Variants in NTRK3 observed in about 807,000 individuals in gnomAD.
NTRK3 encodes NT-3 growth factor receptor.
A neutral mutation model predicts 91.7 loss-of-function variants in NTRK3; 24 were observed. The ratio of observed to expected loss-of-function variants is 0.26; its 90% confidence interval spans 0.19 to 0.37. NTRK3 has a LOEUF of 0.37. Ranked by LOEUF, NTRK3 falls within the 10% of genes least tolerant of loss-of-function variation. The pLI, the probability that NTRK3 is intolerant of heterozygous loss-of-function variation, is 1.00. For synonymous variants in NTRK3, 483 were observed against 404.0 expected (o/e 1.20, Z -2.34); for missense variants, 880 against 1,068.9 (o/e 0.82, Z 2.46).
chr15:88,017,694 G>A (rs2077334348), intron 14 of NTRK3, among the ~76,000 whole-genome samples: 2 of 152,226 alleles, frequency 1.3e-5, no homozygotes, highest in East Asian at 1.9e-4. Flanking sequence ...AGGGGGAGAG[G>A]GGTCACCCAG....
intron 3 of NTRK3, among the ~76,000 whole-genome samples, chr15:88,225,559 A>T (rs1307603727): frequency 6.6e-6 from 1 of 152,136 alleles, no homozygotes; most frequent in Non-Finnish European, 1.5e-5. Flanking sequence ...GAGAGACAAG[A>T]TGGGGGACAG....
At chr15:88,114,620 C>T (rs1460312985) in intron 13 of NTRK3, among the ~76,000 whole-genome samples, 1 of 152,180 alleles carries the variant, frequency 6.6e-6, no homozygotes, top group Non-Finnish European at 1.5e-5. Context: ...AATAATGTGG[C>T]ACAGAACAAT....
chr15:87,898,634 T>C (rs2066270906), intron 17 of NTRK3, among the ~76,000 whole-genome samples: 1 of 152,054 alleles, frequency 6.6e-6, no homozygotes, highest in African/African-American at 2.4e-5. Flanking sequence ...ACATTAATAA[T>C]ATCTCTTATT....
At chr15:88,230,592 C>A (rs1207613682) in intron 3 of NTRK3, among the ~76,000 whole-genome samples, 2 of 152,144 alleles carry the variant, frequency 1.3e-5, no homozygotes, top group Non-Finnish European at 2.9e-5. Flanking sequence ...TAATTTTTCT[C>A]ATTATTATTA....
intron 13 of NTRK3, among the ~76,000 whole-genome samples, chr15:88,051,529 C>G (rs1001790092): frequency 6.6e-6 from 1 of 152,204 alleles, no homozygotes; most frequent in African/African-American, 2.4e-5. Context: ...CAGTCAAAAG[C>G]ATCATTTCTG....
intron 3 of NTRK3, among the ~76,000 whole-genome samples, chr15:88,192,080 T>C (rs1207780316): frequency 6.6e-6 from 1 of 152,226 alleles, no homozygotes. Flanking sequence ...ATTCAGATCA[T>C]GCAGCAAACA....
At chr15:87,944,305 C>G (rs552753607) in intron 14 of NTRK3, among the ~76,000 whole-genome samples, 3 of 152,316 alleles carry the variant, frequency 2.0e-5, no homozygotes, top group Admixed American at 6.5e-5. Flanking sequence ...ATCAACAAGA[C>G]TGGAGACTCC....
At position 88,115,657 on chromosome 15, in the gene NTRK3, GTCCTGGAA is replaced by G. The variant is rs1311834248; in HGVS notation, c.1396+10606_1396+10613del. Among the ~76,000 whole-genome samples, 49 of 152,160 alleles carry G rather than the reference GTCCTGGAA, an allele frequency of 3.2e-4. No individual in the cohort carries two copies. In the Middle Eastern group the frequency reaches 0.01, roughly 32 times the overall value. ...GGCTCGGCATTTCCAGGACTTATCAGTCCTGGAAACTGCTCTGGTCTTCTGCCAACTAT... is the reference window on the plus strand; with the variant it reads ...GGCTCGGCATTTCCAGGACTTATCAGACTGCTCTGGTCTTCTGCCAACTAT... On this transcript the variant is annotated intron_variant, in intron 13 of 18. Coordinates refer to ENST00000394480, the Ensembl canonical transcript of NTRK3.
chr15:87,876,878 A>G lies in NTRK3; in HGVS notation c.*57T>C, dbSNP rs112494064. 2.5e-4 allele frequency: 392 copies of G among 1,579,996 alleles called. No homozygotes were observed. The African/African-American group carries it at 4.2e-3, about 17-fold the overall frequency. ...GAAGGAGTTGTGAGGTGGAAGGGAG[A>G]TGTGAGGCAGGGAGAGAGGAGGCAA... On this transcript the variant is annotated 3_prime_UTR_variant, in exon 19 of 19. Coordinates refer to ENST00000394480, the Ensembl canonical transcript of NTRK3.
chr15:88,245,785 A>T (rs967970386), intron 3 of NTRK3, among the ~76,000 whole-genome samples: 1 of 152,216 alleles, frequency 6.6e-6, no homozygotes, highest in Non-Finnish European at 1.5e-5. Context: ...CTGAGGATCA[A>T]CAAGGTCAAG....
intron 6 of NTRK3, among the ~76,000 whole-genome samples, chr15:88,137,835 G>T (rs2042019702): frequency 6.6e-6 from 1 of 152,152 alleles, no homozygotes; most frequent in Admixed American, 6.5e-5. Flanking sequence ...GGTAGATCAT[G>T]AGGTCAAGAG....
intron 3 of NTRK3, among the ~76,000 whole-genome samples, chr15:88,215,557 A>G (rs1464542528): frequency 6.6e-6 from 1 of 152,244 alleles, no homozygotes; most frequent in Admixed American, 6.5e-5. Context: ...CAGGGGAGCC[A>G]GGCTGGGGCT....
intron 13 of NTRK3, among the ~76,000 whole-genome samples, chr15:88,093,449 C>T (rs567582818): frequency 6.6e-6 from 1 of 152,254 alleles, no homozygotes; most frequent in Non-Finnish European, 1.5e-5. Flanking sequence ...CAGCCTTGCT[C>T]ACTTACTCTT....
chr15:88,199,500 G>A (rs2048111121), intron 3 of NTRK3, among the ~76,000 whole-genome samples: 2 of 152,130 alleles, frequency 1.3e-5, no homozygotes, highest in African/African-American at 2.4e-5. Flanking sequence ...TTCACCCTTG[G>A]GCAAGAACAT....
intron 13 of NTRK3, among the ~76,000 whole-genome samples, chr15:88,045,571 C>A (rs2080097818): frequency 1.3e-5 from 2 of 152,184 alleles, no homozygotes; most frequent in Non-Finnish European, 2.9e-5. Flanking sequence ...CCTAGAGCTG[C>A]CATAACAACC....
chr15:88,221,354 G>A (rs1033614463), intron 3 of NTRK3, among the ~76,000 whole-genome samples: 2 of 152,114 alleles, frequency 1.3e-5, no homozygotes, highest in Non-Finnish European at 1.5e-5. Flanking sequence ...ATTTGCTGAT[G>A]TCATTACAAA....
At chr15:88,205,449 C>T (rs550003531) in intron 3 of NTRK3, among the ~76,000 whole-genome samples, 2 of 152,184 alleles carry the variant, frequency 1.3e-5, no homozygotes, top group African/African-American at 4.8e-5. Context: ...AGCATGGCAG[C>T]GATGCTTACG....
intron 17 of NTRK3, among the ~76,000 whole-genome samples, chr15:87,897,548 A>C (rs759773718): frequency 6.6e-6 from 1 of 152,144 alleles, no homozygotes; most frequent in Non-Finnish European, 1.5e-5. Context: ...GGTCTCAACC[A>C]AGCTCAGATC....
intron 3 of NTRK3, among the ~76,000 whole-genome samples, chr15:88,218,920 T>G (rs1269342010): frequency 1.3e-5 from 2 of 152,150 alleles, no homozygotes; most frequent in African/African-American, 4.8e-5. Flanking sequence ...TTTAAGGCCT[T>G]CCTCCATTCC....
Sources: gnomAD v4.1 joint callset for allele counts (sites outside exome capture counted in the v4.1 genomes callset) on GRCh38, gnomAD v4.1.1 for gene constraint, MANE v1.5 for transcripts, NCBI Gene and HGNC (gene_info 2026-07-23, HGNC 2026-07-21) for gene names.